COL5A1: variants seen among roughly 807,000 people sequenced by gnomAD.
The protein encoded by COL5A1 is collagen alpha-1(V) chain.
Under a neutral mutation model 263.7 loss-of-function variants are expected in COL5A1, and 16 were observed. That is an observed-to-expected ratio of 0.06 (90% confidence interval 0.04 to 0.09). The LOEUF (loss-of-function observed/expected upper bound fraction) is 0.09. Ranked by LOEUF, COL5A1 falls within the 10% of genes least tolerant of loss-of-function variation. The pLI is 1.00. For synonymous variants in COL5A1, 1,012 were observed against 1,004.5 expected, an observed-to-expected ratio of 1.01 and a Z score of -0.14; for missense variants, 2,036 against 2,540.5, an observed-to-expected ratio of 0.80 and a Z score of 4.27.
At position 134,728,904 on chromosome 9, in the gene COL5A1, TG is replaced by T. The variant is rs1834757857; in HGVS notation, c.924+102del. 9 of 1,517,704 alleles carry T rather than the reference TG, an allele frequency of 5.9e-6. No homozygotes were observed. In the East Asian group the frequency reaches 1.8e-4, roughly 31 times the overall value. The allele number at this position is 1,517,704 out of a possible 1,614,324, so 94.0% of individuals were successfully genotyped here. A position where few individuals can be genotyped will look rare whatever the true frequency, so the allele number is the denominator to read the frequency against. On this transcript the variant is annotated intron_variant, in intron 6 of 65. Transcript: ENST00000371817. Reference sequence around the variant, plus strand: ...GAGAGGTTGTGTCAGGGTAGAGGGTTGGGGGCTGTCTGGTGAAGGTTGCGGG... The same window carrying T: ...GAGAGGTTGTGTCAGGGTAGAGGGTTGGGGCTGTCTGGTGAAGGTTGCGGG...
intron 38 of COL5A1, 124 bp downstream of exon 38, chr9:134,802,131 A>G: frequency 1.0e-6 from 1 of 966,044 alleles, no homozygotes; most frequent in Non-Finnish European, 1.7e-6. Context: ...CTGAGAGGTT[A>G]TCTTAGGTCC....
At position 134,652,766 on chromosome 9, in the gene COL5A1, G is replaced by A. The variant is rs1401849463; in HGVS notation, c.109+10470G>A. 2 of 470,326 alleles carry A rather than the reference G, an allele frequency of 4.3e-6. No individual in the cohort carries two copies. Among genetic ancestry groups the A allele is most frequent in the Non-Finnish European group, 8.8e-6 (2 of 226,702 alleles). The allele number at this position is 470,326 out of a possible 1,614,324, so 29.1% of individuals were successfully genotyped here. A position where few individuals can be genotyped will look rare whatever the true frequency, so the allele number is the denominator to read the frequency against. ...GAGGGAGGGCCTCTTCTTAGGCCGGGTCCAGCGTTTCTCCTCATGGTGTAG... is the reference window on the plus strand; with the variant it reads ...GAGGGAGGGCCTCTTCTTAGGCCGGATCCAGCGTTTCTCCTCATGGTGTAG... On this transcript the variant is annotated intron_variant, in intron 1 of 65. Coordinates refer to ENST00000371817, the MANE Select transcript of COL5A1 (RefSeq NM_000093.5). This position sits in a 1 kb window ranked among gnomAD's most constrained non-coding sequence, Gnocchi z 4.4.
intron 9 of COL5A1, among the ~76,000 whole-genome samples, chr9:134,732,842 TA>T (rs1184897214): frequency 6.6e-6 from 1 of 152,174 alleles, no homozygotes; most frequent in African/African-American, 2.4e-5. Context: ...CCTTGTCCCA[TA>T]GGGGGCCATG....
chr9:134,808,121 G>A (rs1057188219), intron 42 of COL5A1, among the ~76,000 whole-genome samples: 2 of 152,188 alleles, frequency 1.3e-5, no homozygotes, highest in African/African-American at 4.8e-5. Flanking sequence ...TCAGTTTGAG[G>A]AGCAGGACAT....
chr9:134,808,718 G>A (rs1014175832), intron 42 of COL5A1, among the ~76,000 whole-genome samples: 3 of 152,224 alleles, frequency 2.0e-5, no homozygotes, highest in African/African-American at 7.2e-5. Context: ...CTTCATGTGT[G>A]AGCATGCATG....
At chr9:134,747,794 TAC>T (rs1357473130) in intron 11 of COL5A1, among the ~76,000 whole-genome samples, 5 of 126,868 alleles carry the variant, frequency 3.9e-5, no homozygotes, top group East Asian at 2.6e-4. Context: ...CATGCATTCA[TAC>T]ACACATGCAG....
chr9:134,771,514 C>T (rs1836865502), intron 25 of COL5A1, among the ~76,000 whole-genome samples: 1 of 152,198 alleles, frequency 6.6e-6, no homozygotes, highest in Non-Finnish European at 1.5e-5. Flanking sequence ...TCACTTGCTG[C>T]TAGGATAGGC....
At chr9:134,662,007 G>T (rs1285611104) in intron 1 of COL5A1, among the ~76,000 whole-genome samples, 1 of 152,126 alleles carries the variant, frequency 6.6e-6, no homozygotes, top group Non-Finnish European at 1.5e-5. Flanking sequence ...GCAGAGGCGG[G>T]AACCTGACTC....
rs147012483 is a variant in COL5A1 at position 134,794,098 on chromosome 9, C to T, written c.2701-984C>T. On this transcript the variant is annotated intron_variant, in intron 32 of 65. Transcript: ENST00000371817. This position sits in a 1 kb window ranked among gnomAD's most constrained non-coding sequence, Gnocchi z 4.3. ...ATCCCAGCACTTTGGGAGGCTGAGG[C>T]GGGTGAATCACGAGGTCAAGAGATC... Among the ~76,000 whole-genome samples, 1 of 152,118 alleles carries T rather than the reference C, an allele frequency of 6.6e-6. No individual in the cohort carries two copies.
chr9:134,802,064 A>T, intron 38 of COL5A1, 57 bp downstream of exon 38: 3 of 1,548,772 alleles, frequency 1.9e-6, no homozygotes, highest in Non-Finnish European at 2.7e-6. Flanking sequence ...GCCCACAGGG[A>T]AGAGGGTCCC....
chr9:134,817,342 G>A (rs1213323333), intron 53 of COL5A1, among the ~76,000 whole-genome samples: 1 of 152,232 alleles, frequency 6.6e-6, no homozygotes, highest in Admixed American at 6.5e-5. Flanking sequence ...CACCCGCAAA[G>A]CTGCAAAGGT....
intron 1 of COL5A1, among the ~76,000 whole-genome samples, chr9:134,661,005 C>T (rs1832185862): frequency 6.6e-6 from 1 of 152,024 alleles, no homozygotes; most frequent in African/African-American, 2.4e-5. Flanking sequence ...AGCTGTGAAC[C>T]ATGCACCTGG....
chr9:134,696,210 G>T lies in COL5A1; in HGVS notation c.278-3699G>T, dbSNP rs562650462. On this transcript the variant is annotated intron_variant, in intron 2 of 65. Transcript: ENST00000371817. This position sits in a 1 kb window ranked among gnomAD's most constrained non-coding sequence, Gnocchi z 4.3. ...TATTATTGAGACAGAGTCTCACTCT[G>T]TCGCCCAGGCTGGAGTGCAGTGGTG... 6.6e-6 allele frequency among the ~76,000 whole-genome samples: 1 copy of T among 152,216 alleles called. No homozygotes were observed. The highest frequency in any genetic ancestry group is 2.4e-5 in the African/African-American group (1 of 41,526).
chr9:134,759,824 CCACACCCCCCCACT>C (rs1235588987), intron 18 of COL5A1, among the ~76,000 whole-genome samples: 13 of 81,674 alleles, frequency 1.6e-4, no homozygotes, highest in South Asian at 5.5e-4. Flanking sequence ...GCATACACAC[CCACACCCCCCCACT>C]CACGCACACC....
chr9:134,734,939 G>C (rs1187753135), intron 9 of COL5A1, among the ~76,000 whole-genome samples: 1 of 152,064 alleles, frequency 6.6e-6, no homozygotes, highest in African/African-American at 2.4e-5. Context: ...GGCCGGGTGC[G>C]GTGGCTCACA....
intron 1 of COL5A1, among the ~76,000 whole-genome samples, chr9:134,676,629 C>T (rs548080913): frequency 2.6e-5 from 2 of 77,204 alleles, no homozygotes. Flanking sequence ...CACTGGCATT[C>T]GTCTTGGAGC....
chr9:134,837,611 T>C (rs1199781899), intron 65 of COL5A1, among the ~76,000 whole-genome samples: 1 of 151,772 alleles, frequency 6.6e-6, no homozygotes, highest in African/African-American at 2.4e-5. Context: ...ACCTGCATCC[T>C]GGGATAGGGT....
At chr9:134,692,604 G>A (rs1833324969) in intron 2 of COL5A1, among the ~76,000 whole-genome samples, 1 of 152,196 alleles carries the variant, frequency 6.6e-6, no homozygotes. Context: ...ACCCTGGGAA[G>A]TAAGCGCTCC....
chr9:134,782,227 G>A (rs763366615), intron 28 of COL5A1, among the ~76,000 whole-genome samples: 19 of 152,064 alleles, frequency 1.2e-4, no homozygotes, highest in Admixed American at 2.6e-4. Context: ...CTGCAGTGCC[G>A]GCAAGAGCAG....
Sources: gnomAD v4.1 joint callset for allele counts (sites outside exome capture counted in the v4.1 genomes callset) on GRCh38, gnomAD v4.1.1 for gene constraint, Gnocchi (gnomAD v3.1) non-coding constraint, MANE v1.5 for transcripts, NCBI Gene and HGNC (gene_info 2026-07-23, HGNC 2026-07-21) for gene names.